The following LGR4 variants were observed in gnomAD, a reference collection of about 807,000 sequenced individuals.
LGR4 encodes the protein leucine rich repeat containing G protein-coupled receptor 4, also known as leucine-rich repeat-containing G protein-coupled receptor 4.
A neutral mutation model predicts 84.8 loss-of-function variants in LGR4; 44 were observed. The ratio of observed to expected loss-of-function variants is 0.52; its 90% confidence interval spans 0.41 to 0.67. The LOEUF (loss-of-function observed/expected upper bound fraction) is 0.67, where lower values mean the gene tolerates loss of function less well. Ranked by LOEUF, LGR4 falls within the 30% of genes least tolerant of loss-of-function variation. The pLI is 0.00. For synonymous variants in LGR4, 429 were observed against 434.3 expected, an observed-to-expected ratio of 0.99 and a Z score of 0.15; for missense variants, 1,032 against 1,131.4, an observed-to-expected ratio of 0.91 and a Z score of 1.26.
chr11:27,409,739 T>C (rs1304449131), intron 2 of LGR4, among the ~76,000 whole-genome samples: 1 of 152,154 alleles, frequency 6.6e-6, no homozygotes, highest in Non-Finnish European at 1.5e-5. Context: ...TGAAATTTTC[T>C]ATGTCCATGC....
chr11:27,394,721 C>G (rs1341575947), intron 2 of LGR4, among the ~76,000 whole-genome samples: 2 of 152,128 alleles, frequency 1.3e-5, no homozygotes, highest in Non-Finnish European at 2.9e-5. Flanking sequence ...CCCTTAAACA[C>G]CCAACTGCAA....
intron 1 of LGR4, among the ~76,000 whole-genome samples, chr11:27,434,695 T>C (rs1864177021): frequency 6.6e-6 from 1 of 152,198 alleles, no homozygotes. Flanking sequence ...AGAATTCTGG[T>C]ACCTTAAATC....
intron 4 of LGR4, among the ~76,000 whole-genome samples, chr11:27,390,470 T>C (rs1304938759): frequency 6.6e-6 from 1 of 152,144 alleles, no homozygotes; most frequent in Non-Finnish European, 1.5e-5. Context: ...GGATATAGCC[T>C]AGGGTTCTGC....
chr11:27,415,117 A>C (rs1437827529), intron 1 of LGR4, among the ~76,000 whole-genome samples: 2 of 152,144 alleles, frequency 1.3e-5, no homozygotes, highest in Non-Finnish European at 2.9e-5. Flanking sequence ...ATACAACAAA[A>C]CATTTAATCA....
At chr11:27,392,793 C>A (rs532592468) in intron 2 of LGR4, among the ~76,000 whole-genome samples, 1 of 152,184 alleles carries the variant, frequency 6.6e-6, no homozygotes, top group South Asian at 2.1e-4. Flanking sequence ...ACACATTAAA[C>A]CAAATTAAGT....
At chr11:27,466,397 A>C (rs998428883) in intron 1 of LGR4, among the ~76,000 whole-genome samples, 12 of 152,256 alleles carry the variant, frequency 7.9e-5, no homozygotes, top group Non-Finnish European at 2.9e-5. Context: ...TCAAATGTCC[A>C]TTATTTATTG....
At chr11:27,446,016 T>C (rs1208497635) in intron 1 of LGR4, among the ~76,000 whole-genome samples, 1 of 152,228 alleles carries the variant, frequency 6.6e-6, no homozygotes, top group East Asian at 1.9e-4. Flanking sequence ...TCCTTCAAAT[T>C]ATTCAACATT....
chr11:27,460,084 C>T (rs1163772416), intron 1 of LGR4, among the ~76,000 whole-genome samples: 2 of 151,888 alleles, frequency 1.3e-5, no homozygotes, highest in Admixed American at 6.6e-5. Context: ...AACAAGACTC[C>T]GTCTCAAAAA....
chr11:27,469,849 C>A (rs1864840097), intron 1 of LGR4, among the ~76,000 whole-genome samples: 1 of 152,168 alleles, frequency 6.6e-6, no homozygotes, highest in Non-Finnish European at 1.5e-5. Context: ...GAAAAAGACC[C>A]TAGGTGATCG....
chr11:27,382,400 A>G (rs986679126), intron 6 of LGR4, 144 bp from the exon 7 acceptor site: 5 of 593,878 alleles, frequency 8.4e-6, no homozygotes, highest in Non-Finnish European at 1.5e-5. Flanking sequence ...ATTCAAAACC[A>G]TGTAGGAGTT....
intron 2 of LGR4, among the ~76,000 whole-genome samples, chr11:27,404,962 T>G (rs1021259919): frequency 6.6e-6 from 1 of 152,104 alleles, no homozygotes; most frequent in African/African-American, 2.4e-5. Context: ...GACTGTCTAG[T>G]TCTATCTACA....
chr11:27,456,200 A>C (rs1864573069), intron 1 of LGR4, among the ~76,000 whole-genome samples: 1 of 152,220 alleles, frequency 6.6e-6, no homozygotes, highest in Non-Finnish European at 1.5e-5. Context: ...AACTGTGGCC[A>C]CAGATTCAAT....
chr11:27,455,955 C>G (rs1864567874), intron 1 of LGR4, among the ~76,000 whole-genome samples: 1 of 152,124 alleles, frequency 6.6e-6, no homozygotes, highest in African/African-American at 2.4e-5. Flanking sequence ...TTACGCACTT[C>G]ATTTAGTGCC....
chr11:27,401,958 G>GTTTT (rs1863513177), intron 2 of LGR4, among the ~76,000 whole-genome samples: 1 of 152,206 alleles, frequency 6.6e-6, no homozygotes, highest in African/African-American at 2.4e-5. Flanking sequence ...GAGGGGCTTG[G>GTTTT]AAAAGGAAGA....
intron 2 of LGR4, among the ~76,000 whole-genome samples, chr11:27,395,232 A>AC (rs1863366642): frequency 6.6e-6 from 1 of 152,140 alleles, no homozygotes; most frequent in Non-Finnish European, 1.5e-5. Context: ...TCCAAAAAAG[A>AC]AACACTATAA....
intron 2 of LGR4, among the ~76,000 whole-genome samples, chr11:27,395,565 T>C (rs181188926): frequency 1.3e-5 from 2 of 152,314 alleles, no homozygotes; most frequent in Admixed American, 6.5e-5. Context: ...ATCTTTAATA[T>C]AAATGACAAA....
At chr11:27,394,336 C>A (rs531369546) in intron 2 of LGR4, among the ~76,000 whole-genome samples, 81 of 152,286 alleles carry the variant, frequency 5.3e-4, no homozygotes, top group Non-Finnish European at 9.7e-4. Context: ...AAATATTTCT[C>A]TTTAGCAAAT....
In LGR4 at chr11:27,472,334, C is replaced by G; in HGVS notation, c.-32G>C. 1 of 1,193,886 alleles carries G rather than the reference C, an allele frequency of 8.4e-7. No homozygotes were observed. The highest frequency in any genetic ancestry group is 3.5e-5 in the East Asian group (1 of 28,222). The allele number at this position is 1,193,886 out of a possible 1,614,324, so 74.0% of individuals were successfully genotyped here. ...GGCCGCCTCCCGCGCCGGCCTCTCCCGCGGCGCTGCTCGCTCCGCTGCCCT... is the reference window on the plus strand; with the variant it reads ...GGCCGCCTCCCGCGCCGGCCTCTCCGGCGGCGCTGCTCGCTCCGCTGCCCT... On this transcript the variant is annotated 5_prime_UTR_variant, in exon 1 of 18. Coordinates refer to ENST00000379214, the MANE Select transcript of LGR4 (RefSeq NM_018490.5).
chr11:27,391,119 G>T lies in LGR4; in HGVS notation c.376C>A (p.Arg126=). The T allele has an allele frequency of 6.2e-7, 1 of 1,609,558 alleles. No individual in the cohort carries two copies. The highest frequency in any genetic ancestry group is 1.1e-5 in the South Asian group (1 of 90,218). ...AAAGACTGCAAAGCACTCAGCCCTC[G>T]AATGGCTTCACTGGGTACTGTTTTC... ...QLKTVPSEAI[R]GLSALQSLRL... Residue 126 remains arginine (R), a synonymous_variant, in exon 4 of 18, where the codon CGA becomes AGA. Transcript: ENST00000379214.
Sources: gnomAD v4.1 joint callset for allele counts (sites outside exome capture counted in the v4.1 genomes callset) on GRCh38, gnomAD v4.1.1 for gene constraint, MANE v1.5 for transcripts, NCBI Gene and HGNC (gene_info 2026-07-23, HGNC 2026-07-21) for gene names.